MAN1A2: variants seen among roughly 807,000 people sequenced by gnomAD.
MAN1A2 encodes the protein mannosidase alpha class 1A member 2.
A neutral mutation model predicts 75.7 loss-of-function variants in MAN1A2; 26 were observed. That is an observed-to-expected ratio of 0.34 (90% CI 0.25 to 0.48). The LOEUF (loss-of-function observed/expected upper bound fraction) is 0.48. Among genes scored for constraint, MAN1A2 ranks in the 20% least tolerant of loss-of-function variants. MAN1A2 has a pLI of 0.99. For missense variants in MAN1A2, 562 were observed against 775.5 expected, an observed-to-expected ratio of 0.72 and a Z score of 3.27; for synonymous variants, 247 against 264.6, an observed-to-expected ratio of 0.93 and a Z score of 0.65.
intron 4 of MAN1A2, among the ~76,000 whole-genome samples, chr1:117,417,096 A>G (rs1048284372): frequency 6.6e-6 from 1 of 152,156 alleles, no homozygotes; most frequent in African/African-American, 2.4e-5. Context: ...AAAGGGAGCC[A>G]GTTGGTAAAT....
rs536683983 is a variant in MAN1A2, at chr1:117,382,718, G to A, written c.302+14233G>A. ...AAGTAGTTTTTTCCAATTCTGTGAA[G>A]AAAGTCATTGGTAGCTTGATGGGGA... is the stretch of plus-strand genomic sequence containing the variant. On this transcript the variant is annotated intron_variant, in intron 1 of 12. Transcript: ENST00000356554. 2.2e-4 allele frequency among the ~76,000 whole-genome samples: 34 copies of A among 152,200 alleles called. No individual in the cohort carries two copies. In the South Asian group the frequency reaches 6.2e-3, roughly 28 times the overall value.
At chr1:117,458,523 A>ATATTTGTTTTTTTTTTTTT (rs1553236643) in intron 6 of MAN1A2, among the ~76,000 whole-genome samples, 1 of 105,610 alleles carries the variant, frequency 9.5e-6, no homozygotes, top group Admixed American at 9.7e-5. Context: ...ATATATATAT[A>ATATTTGTTTTTTTTTTTTT]TTTTTTTTTT....
At chr1:117,511,656 G>A (rs952412256) in intron 12 of MAN1A2, among the ~76,000 whole-genome samples, 3 of 151,994 alleles carry the variant, frequency 2.0e-5, no homozygotes, top group African/African-American at 7.2e-5. Flanking sequence ...TTGGCTATTT[G>A]CATCTTTACT....
In MAN1A2 at chr1:117,422,035, GAATT is replaced by G. The variant is rs71740120; in HGVS notation, c.855+1391_855+1394del. On this transcript the variant is annotated intron_variant, in intron 5 of 12. Coordinates refer to ENST00000356554, the MANE Select transcript of MAN1A2 (RefSeq NM_006699.5). The stretch of plus-strand genomic sequence containing the variant: ...TGGCTTATAGGAATAAAATCATTGT[GAATT>G]AATTGTTATTTTTAGTAAGGTTTAT... 3.9e-3 allele frequency among the ~76,000 whole-genome samples: 592 copies of G among 152,112 alleles called. 7 individuals carry two copies. The highest frequency in any genetic ancestry group is 0.013 in the African/African-American group (555 of 41,528).
intron 12 of MAN1A2, among the ~76,000 whole-genome samples, chr1:117,512,010 A>C (rs948299691): frequency 2.0e-5 from 3 of 152,040 alleles, no homozygotes; most frequent in African/African-American, 7.2e-5. Flanking sequence ...CAGCTAAAAA[A>C]CCCCAGCAAT....
intron 1 of MAN1A2, among the ~76,000 whole-genome samples, chr1:117,382,136 CGTTCACTCTGACG>C (rs1312462757): frequency 6.6e-6 from 1 of 152,110 alleles, no homozygotes; most frequent in Non-Finnish European, 1.5e-5. Flanking sequence ...GTAGGTTGCT[CGTTCACTCTGACG>C]GTAGTTTCTT....
At chr1:117,373,794 G>A (rs927890897) in intron 1 of MAN1A2, among the ~76,000 whole-genome samples, 8 of 151,986 alleles carry the variant, frequency 5.3e-5, no homozygotes, top group Non-Finnish European at 1.0e-4. Context: ...GCACCCAACC[G>A]AATCTTATTT....
intron 1 of MAN1A2, among the ~76,000 whole-genome samples, chr1:117,371,111 G>T (rs1433299628): frequency 6.6e-6 from 1 of 152,088 alleles, no homozygotes; most frequent in Non-Finnish European, 1.5e-5. Context: ...TTTAGTAAAT[G>T]ATCAATAAAT....
intron 12 of MAN1A2, among the ~76,000 whole-genome samples, chr1:117,519,213 T>TA (rs1254424590): frequency 6.6e-6 from 1 of 152,088 alleles, no homozygotes; most frequent in African/African-American, 2.4e-5. Context: ...TTCACAGCCC[T>TA]AAATGCCTAC....
At chr1:117,390,474 T>C (rs1653679879) in intron 1 of MAN1A2, among the ~76,000 whole-genome samples, 1 of 151,998 alleles carries the variant, frequency 6.6e-6, no homozygotes, top group Admixed American at 6.5e-5. Context: ...AGTTCTCTCA[T>C]TGCTGATATT....
chr1:117,388,170 G>A, intron 1 of MAN1A2, among the ~76,000 whole-genome samples: 1 of 148,960 alleles, frequency 6.7e-6, no homozygotes, highest in East Asian at 1.9e-4. Flanking sequence ...AGGCCGGACA[G>A]AAAGGAAAGA....
chr1:117,394,773 G>A (rs992706375), intron 1 of MAN1A2, among the ~76,000 whole-genome samples: 1 of 152,200 alleles, frequency 6.6e-6, no homozygotes, highest in Admixed American at 6.5e-5. Flanking sequence ...GTAAAGTGTA[G>A]GAAGTGGAAA....
chr1:117,457,695 C>T (rs180953790), intron 6 of MAN1A2, among the ~76,000 whole-genome samples: 63 of 152,172 alleles, frequency 4.1e-4, no homozygotes, highest in African/African-American at 1.3e-3. Context: ...ATAATTCATC[C>T]GCTATGCTGA....
rs1458584328 is a variant in MAN1A2, at chr1:117,404,638, C to CAATA, written c.559-910_559-907dup. Among the ~76,000 whole-genome samples, 6 of 152,264 alleles carry CAATA rather than the reference C, an allele frequency of 3.9e-5. No homozygotes were observed. The East Asian group carries it at 1.2e-3, about 29-fold the overall frequency. ...GCCCTCTATCTCATGGTGTCAATAA[C>CAATA]AATATGTGTAAAAAGAACTTGATTG... On this transcript the variant is annotated intron_variant, in intron 2 of 12. Transcript: ENST00000356554.
intron 5 of MAN1A2, among the ~76,000 whole-genome samples, chr1:117,440,037 A>G (rs1648979347): frequency 6.6e-6 from 1 of 152,226 alleles, no homozygotes; most frequent in African/African-American, 2.4e-5. Context: ...GACTGAGTAA[A>G]TAAATTACAG....
At chr1:117,429,667 G>A (rs1208750448) in intron 5 of MAN1A2, among the ~76,000 whole-genome samples, 4 of 102,552 alleles carry the variant, frequency 3.9e-5, no homozygotes, top group Non-Finnish European at 6.1e-5. Context: ...GGGCAGAGGC[G>A]CCCCTCACCT....
At chr1:117,505,275 C>T (rs1257000535) in intron 12 of MAN1A2, among the ~76,000 whole-genome samples, 2 of 151,158 alleles carry the variant, frequency 1.3e-5, no homozygotes, top group Non-Finnish European at 3.0e-5. Flanking sequence ...ATAATTAATT[C>T]TCAAATCTCT....
At chr1:117,477,783 A>G (rs767915902) in intron 8 of MAN1A2, among the ~76,000 whole-genome samples, 2 of 152,074 alleles carry the variant, frequency 1.3e-5, no homozygotes, top group Non-Finnish European at 2.9e-5. Context: ...AGTCCTGGCC[A>G]GGGCAGTCAG....
chr1:117,378,528 G>T (rs537848260), intron 1 of MAN1A2, among the ~76,000 whole-genome samples: 4 of 151,730 alleles, frequency 2.6e-5, no homozygotes, highest in Admixed American at 2.0e-4. Flanking sequence ...AGTTTTTTTT[G>T]TTGTTGTTGC....
Sources: allele counts gnomAD v4.1 joint callset (sites outside exome capture counted in the v4.1 genomes callset), GRCh38; gene constraint gnomAD v4.1.1; transcripts MANE v1.5; gene names NCBI Gene and HGNC (gene_info 2026-07-23, HGNC 2026-07-21).